The following PCCA variants were observed in gnomAD, a reference collection of about 807,000 sequenced individuals.
The protein encoded by PCCA is propionyl-CoA carboxylase subunit alpha, also known as propionyl-CoA carboxylase alpha chain, mitochondrial.
In PCCA, 74 loss-of-function variants were observed where a neutral mutation model predicts 101.3. The ratio of observed to expected loss-of-function variants is 0.73; its 90% CI spans 0.61 to 0.89. PCCA has a LOEUF of 0.89. Ranked by LOEUF, PCCA falls within the 40% of genes least tolerant of loss-of-function variation. The probability of loss-of-function intolerance (pLI) is 0.00; values close to 1 mark genes in which losing one functional copy is unlikely to be tolerated. For missense variants in PCCA, 891 were observed against 907.0 expected, an observed-to-expected ratio of 0.98 and a Z score of 0.23; for synonymous variants, 294 against 313.6, an observed-to-expected ratio of 0.94 and a Z score of 0.66.
At chr13:100,266,051 G>A (rs2062914850) in intron 10 of PCCA, among the ~76,000 whole-genome samples, 2 of 152,178 alleles carry the variant, frequency 1.3e-5, no homozygotes, top group South Asian at 4.1e-4. Flanking sequence ...TAATTTAAGG[G>A]AGATATTTAG....
chr13:100,523,846 G>A (rs1222733187), intron 22 of PCCA, among the ~76,000 whole-genome samples: 1 of 152,232 alleles, frequency 6.6e-6, no homozygotes, highest in Non-Finnish European at 1.5e-5. Flanking sequence ...GAGACATCCT[G>A]TCACAATCAT....
intron 17 of PCCA, 117 bp from the exon 18 acceptor site, chr13:100,340,040 C>T (rs2071067401): frequency 1.4e-6 from 1 of 726,416 alleles, no homozygotes; most frequent in South Asian, 1.5e-5. Flanking sequence ...ACAATCCTAG[C>T]TGCATAATAG....
rs1462179911 is a variant in PCCA at position 100,292,969 on chromosome 13, G to T, written c.1066-8491G>T. On this transcript the variant is annotated intron_variant, in intron 12 of 23. Transcript: ENST00000376285. ...TGTGTGTGTGTGTGTGTCTGTTTGT[G>T]TGTGTGTAATTAATAATTTCCAGAT... Among the ~76,000 whole-genome samples, 8 of 146,662 alleles carry T rather than the reference G, an allele frequency of 5.5e-5. No homozygotes were observed. The South Asian group carries it at 1.7e-3, about 32-fold the overall frequency.
chr13:100,269,639 A>G (rs574382113), intron 11 of PCCA, among the ~76,000 whole-genome samples: 12 of 152,260 alleles, frequency 7.9e-5, no homozygotes, highest in East Asian at 3.9e-4. Flanking sequence ...AAAAATCCTC[A>G]GGTGAGTGTT....
At chr13:100,522,216 G>A (rs2087356970) in intron 22 of PCCA, among the ~76,000 whole-genome samples, 1 of 152,212 alleles carries the variant, frequency 6.6e-6, no homozygotes, top group East Asian at 1.9e-4. Context: ...TAGGCAGAGG[G>A]TTTAAATAGC....
intron 4 of PCCA, among the ~76,000 whole-genome samples, chr13:100,126,431 ATAAT>A (rs1469957805): frequency 6.6e-6 from 1 of 152,176 alleles, no homozygotes; most frequent in Non-Finnish European, 1.5e-5. Context: ...AGATGAAAAA[ATAAT>A]TCCAGTATTT....
intron 4 of PCCA, among the ~76,000 whole-genome samples, chr13:100,119,422 G>T (rs149672498): frequency 1.2e-3 from 180 of 152,144 alleles, no homozygotes; most frequent in African/African-American, 4.0e-3. Flanking sequence ...AGGATAGGTG[G>T]TATATTTGTT....
chr13:100,510,387 A>T (rs766948403), intron 21 of PCCA, among the ~76,000 whole-genome samples: 8 of 152,232 alleles, frequency 5.3e-5, no homozygotes, highest in Non-Finnish European at 1.0e-4. Context: ...CATAAAGGGT[A>T]TGCTAAATAC....
intron 4 of PCCA, among the ~76,000 whole-genome samples, chr13:100,150,323 C>T (rs1284781544): frequency 6.6e-6 from 1 of 152,124 alleles, no homozygotes; most frequent in South Asian, 2.1e-4. Flanking sequence ...TGAGCTACTG[C>T]ACCTGGCTGC....
At chr13:100,254,159 C>G (rs944759542) in intron 8 of PCCA, among the ~76,000 whole-genome samples, 1 of 152,022 alleles carries the variant, frequency 6.6e-6, no homozygotes, top group Non-Finnish European at 1.5e-5. Context: ...ACGAAACCAT[C>G]AGATCTCATG....
In PCCA at chr13:100,341,207, T is replaced by C. The variant is rs368297570; in HGVS notation, c.1643+948T>C. Among the ~76,000 whole-genome samples, 150 of 152,312 alleles carry C rather than the reference T, an allele frequency of 9.8e-4. 4 individuals are homozygous for C. The South Asian group carries it at 0.028, about 29-fold the overall frequency. ...GAGATGAGAAGATATAGAATATCAG[T>C]AAATGACTGAATGACTGGACGGAGG... On this transcript the variant is annotated intron_variant, in intron 18 of 23. Transcript: ENST00000376285.
At chr13:100,502,919 G>A (rs914483837) in intron 21 of PCCA, among the ~76,000 whole-genome samples, 13 of 152,230 alleles carry the variant, frequency 8.5e-5, no homozygotes, top group Non-Finnish European at 1.2e-4. Flanking sequence ...GGAATTTTCA[G>A]TGCAGCGTTG....
intron 6 of PCCA, among the ~76,000 whole-genome samples, chr13:100,199,062 T>C (rs2058309809): frequency 6.6e-6 from 1 of 152,082 alleles, no homozygotes; most frequent in African/African-American, 2.4e-5. Context: ...TACTCTGAAA[T>C]AGTTTTCAAA....
chr13:100,457,656 G>T (rs1251971463), intron 21 of PCCA, among the ~76,000 whole-genome samples: 2 of 152,172 alleles, frequency 1.3e-5, no homozygotes, highest in Non-Finnish European at 2.9e-5. Flanking sequence ...CCTTTGATCT[G>T]GAGGGAGACA....
At chr13:100,324,623 A>G (rs1434969142) in intron 16 of PCCA, among the ~76,000 whole-genome samples, 1 of 152,212 alleles carries the variant, frequency 6.6e-6, no homozygotes, top group Non-Finnish European at 1.5e-5. Flanking sequence ...CAGAGACCAT[A>G]CCTGGTGCCA....
At chr13:100,266,965 T>C (rs1013608642) in intron 10 of PCCA, among the ~76,000 whole-genome samples, 1 of 152,232 alleles carries the variant, frequency 6.6e-6, no homozygotes, top group Non-Finnish European at 1.5e-5. Flanking sequence ...GCAGTATTTA[T>C]TTATAATGTT....
At chr13:100,206,344 G>A (rs1165919899) in intron 6 of PCCA, among the ~76,000 whole-genome samples, 1 of 152,046 alleles carries the variant, frequency 6.6e-6, no homozygotes, top group Non-Finnish European at 1.5e-5. Flanking sequence ...TTGGCTCACT[G>A]CAAACTCTAC....
intron 7 of PCCA, among the ~76,000 whole-genome samples, chr13:100,230,264 C>T (rs2060387801): frequency 6.6e-6 from 1 of 152,082 alleles, no homozygotes; most frequent in African/African-American, 2.4e-5. Flanking sequence ...AAGTGGCAGG[C>T]TGGGCGCGGT....
intron 22 of PCCA, among the ~76,000 whole-genome samples, chr13:100,518,035 C>CAATA (rs1416440654): frequency 2.0e-5 from 3 of 152,136 alleles, no homozygotes; most frequent in African/African-American, 7.2e-5. Context: ...TCCGCACTAA[C>CAATA]AATAGCCGGG....
Sources: gnomAD v4.1 joint callset for allele counts (sites outside exome capture counted in the v4.1 genomes callset) on GRCh38, gnomAD v4.1.1 for gene constraint, MANE v1.5 for transcripts, NCBI Gene and HGNC (gene_info 2026-07-23, HGNC 2026-07-21) for gene names.